The following XRCC4 variants were observed in gnomAD, a reference collection of about 807,000 sequenced individuals.
XRCC4 encodes X-ray repair cross complementing 4.
In XRCC4, 28 loss-of-function variants were observed where a neutral mutation model predicts 39.1. The observed-to-expected ratio is 0.72, with a 90% CI of 0.53 to 0.98. The LOEUF (loss-of-function observed/expected upper bound fraction) is 0.98. Ranked by LOEUF, XRCC4 falls within the 50% of genes least tolerant of loss-of-function variation. The pLI is 0.00. For missense variants in XRCC4, 350 were observed against 376.4 expected (o/e 0.93, Z 0.58); for synonymous variants, 123 against 126.4 (o/e 0.97, Z 0.18).
chr5:83,183,295 T>G (rs933326093), intron 3 of XRCC4, among the ~76,000 whole-genome samples: 18 of 152,128 alleles, frequency 1.2e-4, no homozygotes, highest in Non-Finnish European at 7.4e-5. Flanking sequence ...ATTTTTTAAT[T>G]TATACATTTT....
intron 7 of XRCC4, among the ~76,000 whole-genome samples, chr5:83,283,309 A>C (rs148627495): frequency 2.0e-3 from 310 of 152,332 alleles, no homozygotes; most frequent in Non-Finnish European, 3.8e-3. Flanking sequence ...CTGGGACCTC[A>C]TGGTCTTCTG....
At chr5:83,192,863 T>C (rs887462327) in intron 3 of XRCC4, among the ~76,000 whole-genome samples, 2 of 152,186 alleles carry the variant, frequency 1.3e-5, no homozygotes, top group Non-Finnish European at 2.9e-5. Context: ...AAAGTCATGG[T>C]TTTATACTGT....
chr5:83,186,578 C>T (rs1014436028), intron 3 of XRCC4, among the ~76,000 whole-genome samples: 1 of 152,148 alleles, frequency 6.6e-6, no homozygotes, highest in Non-Finnish European at 1.5e-5. Context: ...AAGCTAATCA[C>T]ATCCCTAAAG....
intron 3 of XRCC4, among the ~76,000 whole-genome samples, chr5:83,142,760 G>A (rs28360076): frequency 4.1e-4 from 62 of 152,254 alleles, no homozygotes; most frequent in African/African-American, 1.5e-3. Context: ...TGGCAACTAT[G>A]TAGATGACAT....
At chr5:83,261,162 A>G (rs963036312) in intron 7 of XRCC4, among the ~76,000 whole-genome samples, 4 of 150,882 alleles carry the variant, frequency 2.7e-5, no homozygotes, top group Admixed American at 2.6e-4. Context: ...TTAATGAAAA[A>G]AAGAAGCTTC....
intron 3 of XRCC4, among the ~76,000 whole-genome samples, chr5:83,128,244 A>G (rs897797486): frequency 6.6e-6 from 1 of 151,978 alleles, no homozygotes; most frequent in African/African-American, 2.4e-5. Flanking sequence ...TGTCCTTGCA[A>G]TAGTTTGCTG....
intron 6 of XRCC4, among the ~76,000 whole-genome samples, chr5:83,206,357 G>A (rs969740423): frequency 6.6e-6 from 1 of 152,144 alleles, no homozygotes; most frequent in African/African-American, 2.4e-5. Context: ...AGCAGGATTT[G>A]CTGATGAAGG....
intron 3 of XRCC4, among the ~76,000 whole-genome samples, chr5:83,161,653 A>G (rs1343410585): frequency 6.6e-6 from 1 of 152,192 alleles, no homozygotes; most frequent in Non-Finnish European, 1.5e-5. Flanking sequence ...TTGCTAATAG[A>G]GGAATAGATT....
At chr5:83,198,362 A>G (rs561516407) in intron 4 of XRCC4, among the ~76,000 whole-genome samples, 1 of 152,248 alleles carries the variant, frequency 6.6e-6, no homozygotes, top group East Asian at 1.9e-4. Context: ...TCTGAGATAC[A>G]TTTACTACCC....
At chr5:83,180,217 T>C (rs2112648252) in intron 3 of XRCC4, among the ~76,000 whole-genome samples, 1 of 152,238 alleles carries the variant, frequency 6.6e-6, no homozygotes, top group South Asian at 2.1e-4. Context: ...AAGGATTTCA[T>C]GGAATCTGGA....
chr5:83,267,440 C>A (rs2112920899), intron 7 of XRCC4, among the ~76,000 whole-genome samples: 1 of 152,236 alleles, frequency 6.6e-6, no homozygotes, highest in African/African-American at 2.4e-5. Context: ...GCCTCACTAG[C>A]AGTGATGGGT....
At chr5:83,104,565 G>A (rs1216722826) in intron 1 of XRCC4, among the ~76,000 whole-genome samples, 3 of 152,196 alleles carry the variant, frequency 2.0e-5, no homozygotes, top group East Asian at 3.9e-4. Flanking sequence ...CAATCTGCCC[G>A]TCTTGGCCTC....
At chr5:83,245,840 CT>C (rs1352074842) in intron 6 of XRCC4, among the ~76,000 whole-genome samples, 7 of 142,590 alleles carry the variant, frequency 4.9e-5, no homozygotes, top group Admixed American at 2.1e-4. Context: ...CACTCCCCCC[CT>C]CCATCTGTAC....
chr5:83,125,598 A>T (rs552563741), intron 3 of XRCC4, among the ~76,000 whole-genome samples: 1 of 152,094 alleles, frequency 6.6e-6, no homozygotes, highest in Non-Finnish European at 1.5e-5. Context: ...GAGTGGGTCT[A>T]TTTTTGTATT....
At chr5:83,116,637 TTTGAGA>T (rs1746733279) in intron 3 of XRCC4, among the ~76,000 whole-genome samples, 5 of 102,384 alleles carry the variant, frequency 4.9e-5, no homozygotes, top group African/African-American at 2.2e-4. Flanking sequence ...TTTTTTTTTT[TTTGAGA>T]TGGAGCCTCA....
chr5:83,338,035 G>T (rs1323355786), intron 7 of XRCC4, among the ~76,000 whole-genome samples: 1 of 152,228 alleles, frequency 6.6e-6, no homozygotes, highest in East Asian at 1.9e-4. Flanking sequence ...AGGAAGCTGT[G>T]TGGAATAGCC....
chr5:83,171,482 TAAAAAAAAA>T (rs368717293), intron 3 of XRCC4, among the ~76,000 whole-genome samples: 5 of 150,362 alleles, frequency 3.3e-5, no homozygotes, highest in Admixed American at 6.6e-5. Context: ...AACTTACACT[TAAAAAAAAA>T]ATCTAAGTTT....
At position 83,126,194 on chromosome 5, in the gene XRCC4, TTTTG is replaced by T. The variant is rs528425880; in HGVS notation, c.315+14993_315+14996del. On this transcript the variant is annotated intron_variant, in intron 3 of 7. Coordinates refer to ENST00000396027, the MANE Select transcript of XRCC4 (RefSeq NM_003401.5). ...TTTACTTTGAAATCTTGCATCAGAA[TTTTG>T]TAGTTTTTAGCATACAGATCCTATA... Among the ~76,000 whole-genome samples the T allele has an allele frequency of 4.5e-3, 679 of 152,248 alleles. 2 individuals carry two copies. The highest frequency in any genetic ancestry group is 0.015 in the African/African-American group (626 of 41,570).
chr5:83,127,936 G>A (rs929289549), intron 3 of XRCC4, among the ~76,000 whole-genome samples: 7 of 140,734 alleles, frequency 5.0e-5, no homozygotes, highest in African/African-American at 1.1e-4. Context: ...GGCTAGTTTT[G>A]TTAGTTTGTT....
Sources: allele counts gnomAD v4.1 joint callset (sites outside exome capture counted in the v4.1 genomes callset), GRCh38; gene constraint gnomAD v4.1.1; transcripts MANE v1.5; gene names NCBI Gene and HGNC (gene_info 2026-07-23, HGNC 2026-07-21).